Variants in NIPSNAP1 observed in about 807,000 individuals in gnomAD.
The protein encoded by NIPSNAP1 is nipsnap homolog 1.
Under a neutral mutation model 49.2 loss-of-function variants are expected in NIPSNAP1, and 25 were observed. That is an observed-to-expected ratio of 0.51 (90% CI 0.37 to 0.71). NIPSNAP1 has a LOEUF of 0.71. Ranked by LOEUF, NIPSNAP1 falls within the 30% of genes least tolerant of loss-of-function variation. The pLI is 0.00. For missense variants in NIPSNAP1, 294 were observed against 361.0 expected, an observed-to-expected ratio of 0.81 and a Z score of 1.50; for synonymous variants, 143 against 140.7, an observed-to-expected ratio of 1.02 and a Z score of -0.12.
Position 29,570,537 on chromosome 22 carries a change from A to G in NIPSNAP1, c.99-5T>C. ...TCATTGTCCTTGGAATAGAAACTGC[A>G]GGACAGAGGAGTTGAGGGGGACGCG... On this transcript the variant is annotated splice_polypyrimidine_tract_variant and splice_region_variant and intron_variant, in intron 1 of 9. Transcript: ENST00000216121. 1 of 1,612,744 alleles carries G rather than the reference A, an allele frequency of 6.2e-7. No homozygotes were observed. The highest frequency in any genetic ancestry group is 8.5e-7 in the Non-Finnish European group (1 of 1,179,406).
rs192638854 is a variant in NIPSNAP1 at position 29,575,617 on chromosome 22, G to A, written c.99-5085C>T. Among the ~76,000 whole-genome samples the A allele has an allele frequency of 7.2e-5, 11 of 152,144 alleles. 1 individual carries two copies. Among genetic ancestry groups the A allele is most frequent in the African/African-American group, 2.7e-4 (11 of 41,500 alleles). ...CTTGTTCCAGAGCACGTTCTAAAAC[G>A]CTATACTAGGATTAGCCCAGTGGCT... On this transcript the variant is annotated intron_variant, in intron 1 of 9. Coordinates refer to ENST00000216121, the MANE Select transcript of NIPSNAP1 (RefSeq NM_003634.4).
chr22:29,580,874 C>T (rs372109846), intron 1 of NIPSNAP1, 111 bp downstream of exon 1: 2 of 868,936 alleles, frequency 2.3e-6, no homozygotes, highest in African/African-American at 1.8e-5. Flanking sequence ...CCGCCTCTAA[C>T]CCCCAGATTC....
intron 9 of NIPSNAP1, among the ~76,000 whole-genome samples, chr22:29,557,150 ACT>A (rs1470901457): frequency 2.7e-5 from 4 of 146,652 alleles, no homozygotes; most frequent in Admixed American, 2.1e-4. Flanking sequence ...ACAGGGTCTC[ACT>A]CTGTCTTCCA....
Position 29,576,463 on chromosome 22 carries a change from G to A in NIPSNAP1, c.98+4522C>T, listed in dbSNP as rs76423659. 6.5e-4 allele frequency among the ~76,000 whole-genome samples: 98 copies of A among 151,560 alleles called. 3 individuals are homozygous for A. The highest frequency in any genetic ancestry group is 6.8e-3 in the Middle Eastern group (2 of 294). ...TCTCTAAACTGGAGGCAGCCCTAGCGGGGCAGAATCCTTGTCTGTTCTGTT... is the reference window on the plus strand; with the variant it reads ...TCTCTAAACTGGAGGCAGCCCTAGCAGGGCAGAATCCTTGTCTGTTCTGTT... On this transcript the variant is annotated intron_variant, in intron 1 of 9. Coordinates refer to ENST00000216121, the MANE Select transcript of NIPSNAP1 (RefSeq NM_003634.4).
At position 29,577,718 on chromosome 22, in the gene NIPSNAP1, TTTTTGTTTTG is replaced by T. The variant is rs777313394; in HGVS notation, c.98+3257_98+3266del. On this transcript the variant is annotated intron_variant, in intron 1 of 9. Coordinates refer to ENST00000216121, the MANE Select transcript of NIPSNAP1 (RefSeq NM_003634.4). ...TGTGAGCCAACGCACCCGGCATGTT[TTTTTGTTTTG>T]TTTTGTTTTGTTTTGTTTTTTTGAT... 1.2e-4 allele frequency among the ~76,000 whole-genome samples: 18 copies of T among 149,670 alleles called. No individual in the cohort carries two copies. In the South Asian group the frequency reaches 2.5e-3, roughly 21 times the overall value.
At chr22:29,580,048 G>T (rs981769533) in intron 1 of NIPSNAP1, 36 of 1,285,774 alleles carry the variant, frequency 2.8e-5, no homozygotes, top group Non-Finnish European at 3.5e-5. Context: ...GGGCAGGAGG[G>T]ATGGTTGCTT....
At chr22:29,580,935 G>C (rs907302799) in intron 1 of NIPSNAP1, 50 bp downstream of exon 1, 2 of 1,416,950 alleles carry the variant, frequency 1.4e-6, no homozygotes, top group Non-Finnish European at 1.9e-6. Context: ...TGGCCCCCGC[G>C]CCTGCACCCC....
intron 1 of NIPSNAP1, among the ~76,000 whole-genome samples, chr22:29,574,654 CTG>C (rs2064438013): frequency 6.6e-6 from 1 of 151,890 alleles, no homozygotes; most frequent in African/African-American, 2.4e-5. Context: ...TGGTGCAATC[CTG>C]TAATCCCAGC....
In NIPSNAP1 at chr22:29,555,309, GTCTGTC is replaced by G. The variant is rs1270066924; in HGVS notation, c.*620_*625del. ...TCTACCTTCCGAGTTCCTGTTACGT[GTCTGTC>G]TCCTGCCCCTAAATCTTTCCTGGCT... is the stretch of plus-strand genomic sequence containing the variant. On this transcript the variant is annotated 3_prime_UTR_variant, in exon 10 of 10. Coordinates refer to ENST00000216121, the MANE Select transcript of NIPSNAP1 (RefSeq NM_003634.4). The G allele has an allele frequency of 6.5e-6, 1 of 153,422 alleles. No individual in the cohort carries two copies. Among genetic ancestry groups the G allele is most frequent in the East Asian group, 1.9e-4 (1 of 5,356 alleles). The allele number at this position is 153,422 out of a possible 1,614,324, so 9.5% of individuals were successfully genotyped here.
intron 1 of NIPSNAP1, chr22:29,579,734 A>G: frequency 9.2e-6 from 2 of 218,488 alleles, no homozygotes; most frequent in South Asian, 1.4e-4. Flanking sequence ...GACCAACCAC[A>G]GCATCTTTAA....
At chr22:29,569,781 G>C (rs1367238732) in intron 3 of NIPSNAP1, 1 of 354,082 alleles carries the variant, frequency 2.8e-6, no homozygotes, top group Admixed American at 4.1e-5. Flanking sequence ...CTGAGGTCAG[G>C]AGTTTGCGAC....
chr22:29,573,594 C>A (rs1168467901), intron 1 of NIPSNAP1, among the ~76,000 whole-genome samples: 1 of 151,910 alleles, frequency 6.6e-6, no homozygotes, highest in African/African-American at 2.4e-5. Flanking sequence ...CATGGAGAAA[C>A]CCCATCTCTA....
At chr22:29,564,367 A>G (rs1307315659) in intron 4 of NIPSNAP1, 1 of 471,048 alleles carries the variant, frequency 2.1e-6, no homozygotes, top group East Asian at 6.9e-5. Flanking sequence ...AAAACCAGGA[A>G]TGACCTGTGG....
chr22:29,557,041 G>A (rs904702343), intron 9 of NIPSNAP1, among the ~76,000 whole-genome samples: 4 of 152,072 alleles, frequency 2.6e-5, no homozygotes, highest in Non-Finnish European at 5.9e-5. Flanking sequence ...GAGCCACTGC[G>A]CCCAGCCGAG....
In NIPSNAP1 at chr22:29,555,978, TC is replaced by T. The variant is rs763779449; in HGVS notation, c.811del (p.Glu271SerfsTer5). The T allele has an allele frequency of 1.3e-6, 2 of 1,551,544 alleles. No individual in the cohort carries two copies. Among genetic ancestry groups the T allele is most frequent in the South Asian group, 2.4e-5 (2 of 84,048 alleles). On this transcript the variant is annotated frameshift_variant, in exon 10 of 10. Transcript: ENST00000216121. LOFTEE classifies it high-confidence loss of function. ...CTTCAAGGGGATCATGATCCTAGAC[TC>T]CATGTGTCGCACCAGGGGGACTGCG... is the stretch of plus-strand genomic sequence containing the variant. ...YYTVPLVRHMESRIMIPLKIS... is the reference protein window; with the variant it reads ...YYTVPLVRHMXSRIMIPLKIS...
intron 4 of NIPSNAP1, among the ~76,000 whole-genome samples, chr22:29,562,694 A>T (rs1420114492): frequency 1.3e-5 from 2 of 152,134 alleles, no homozygotes; most frequent in Non-Finnish European, 2.9e-5. Flanking sequence ...TCCGTCTCAA[A>T]AAAAAAGAGA....
chr22:29,558,525 C>T (rs552818871), intron 9 of NIPSNAP1, among the ~76,000 whole-genome samples: 7 of 152,060 alleles, frequency 4.6e-5, no homozygotes, highest in South Asian at 4.2e-4. Flanking sequence ...TAGAATCTTC[C>T]GTTATAGCCC....
intron 7 of NIPSNAP1, 65 bp from the exon 8 acceptor site, chr22:29,560,893 C>G: frequency 2.1e-6 from 3 of 1,460,178 alleles, no homozygotes; most frequent in Middle Eastern, 1.8e-4. Context: ...GAGGCTGATT[C>G]CTTGGCCACA....
At chr22:29,571,903 G>C (rs1469412447) in intron 1 of NIPSNAP1, among the ~76,000 whole-genome samples, 1 of 151,914 alleles carries the variant, frequency 6.6e-6, no homozygotes, top group African/African-American at 2.4e-5. Flanking sequence ...AGCCTCCTGA[G>C]TAGCTGAGAT....
Sources: allele counts gnomAD v4.1 joint callset (sites outside exome capture counted in the v4.1 genomes callset), GRCh38; gene constraint gnomAD v4.1.1; transcripts MANE v1.5; gene names NCBI Gene and HGNC (gene_info 2026-07-23, HGNC 2026-07-21).